The following RGS3 variants were observed in gnomAD, a reference collection of about 807,000 sequenced individuals.
RGS3 encodes the protein regulator of G-protein signalling 3.
A neutral mutation model predicts 132.6 loss-of-function variants in RGS3; 80 were observed. That is an observed-to-expected ratio of 0.60 (90% CI 0.50 to 0.73). The LOEUF is 0.73. Among genes scored for constraint, RGS3 ranks in the 30% least tolerant of loss-of-function variants. The pLI, the probability that RGS3 is intolerant of heterozygous loss-of-function variation, is 0.00. For missense variants in RGS3, 1,382 were observed against 1,530.8 expected, an observed-to-expected ratio of 0.90 and a Z score of 1.62; for synonymous variants, 598 against 620.6, an observed-to-expected ratio of 0.96 and a Z score of 0.54.
intron 7 of RGS3, among the ~76,000 whole-genome samples, chr9:113,489,332 G>A (rs900589018): frequency 1.3e-5 from 2 of 152,180 alleles, no homozygotes; most frequent in African/African-American, 4.8e-5. Context: ...CTTGCCTAAG[G>A]TAACACAGAT....
intron 3 of RGS3, among the ~76,000 whole-genome samples, chr9:113,473,788 A>T (rs1829908544): frequency 6.6e-6 from 1 of 152,214 alleles, no homozygotes; most frequent in Admixed American, 6.5e-5. Context: ...AAGAAATAAA[A>T]AGCTTATAGT....
chr9:113,497,553 C>G, intron 9 of RGS3, 149 bp downstream of exon 7: 2 of 656,610 alleles, frequency 3.0e-6, no homozygotes, highest in South Asian at 3.7e-5. Flanking sequence ...GGAGCACTTG[C>G]TAGAGTGCAG....
chr9:113,468,013 A>G (rs1829706331), intron 3 of RGS3, among the ~76,000 whole-genome samples: 1 of 152,228 alleles, frequency 6.6e-6, no homozygotes, highest in African/African-American at 2.4e-5. Context: ...GGCATGAACC[A>G]CTGTGTCCAG....
At chr9:113,562,122 A>G (rs986639294) in intron 19 of RGS3, among the ~76,000 whole-genome samples, 1 of 152,220 alleles carries the variant, frequency 6.6e-6, no homozygotes, top group African/African-American at 2.4e-5. Context: ...TGAACTTACT[A>G]GAGTGTGACC....
At position 113,507,264 on chromosome 9, in the gene RGS3, C is replaced by T; in HGVS notation, c.1086-23C>T. The T allele has an allele frequency of 6.3e-7, 1 of 1,576,628 alleles. No homozygotes were observed. The highest frequency in any genetic ancestry group is 8.6e-7 in the Non-Finnish European group (1 of 1,157,696). On this transcript the variant is annotated intron_variant, in intron 12 of 24. Transcript: ENST00000350696. The surrounding 1 kb of genome is among the most constrained non-coding windows in gnomAD (Gnocchi z 5.0). ...CTGGCTTTCCCCAGGCTCAACCTGT[C>T]TGTGTGATCCCCCACCTTCCAGGAG...
chr9:113,485,933 C>T (rs964174801), intron 7 of RGS3, among the ~76,000 whole-genome samples: 11 of 152,174 alleles, frequency 7.2e-5, no homozygotes, highest in Non-Finnish European at 1.5e-4. Flanking sequence ...GTGCTGGTCA[C>T]TGGGGAAGCC....
chr9:113,475,819 G>A (rs906461364), intron 3 of RGS3, among the ~76,000 whole-genome samples: 1 of 152,110 alleles, frequency 6.6e-6, no homozygotes, highest in Non-Finnish European at 1.5e-5. Context: ...AAATTAGCTG[G>A]TGCTTCGGTG....
chr9:113,532,460 C>G (rs1156499764), intron 18 of RGS3, among the ~76,000 whole-genome samples: 1 of 152,166 alleles, frequency 6.6e-6, no homozygotes, highest in Non-Finnish European at 1.5e-5. Flanking sequence ...GCCTTGGAAG[C>G]CTTCTGGGTC....
chr9:113,564,890 A>G (rs1479771302), intron 19 of RGS3: 10 of 987,874 alleles, frequency 1.0e-5, no homozygotes, highest in Non-Finnish European at 1.2e-5. Context: ...TCCCACTGGG[A>G]CAGGAACAGC....
chr9:113,554,192 C>G (rs1461468087), intron 19 of RGS3, among the ~76,000 whole-genome samples: 1 of 152,232 alleles, frequency 6.6e-6, no homozygotes, highest in Non-Finnish European at 1.5e-5. Flanking sequence ...GCCTGCTTCC[C>G]TACACCCTGC....
Position 113,594,423 on chromosome 9 carries a change from TC to T in RGS3, c.3081-3del. On this transcript the variant is annotated splice_polypyrimidine_tract_variant and splice_region_variant and intron_variant, in intron 21 of 24. Coordinates refer to ENST00000350696, the Ensembl canonical transcript of RGS3. ...TGAGCAACCCTCTTTTCTGCTTCTG[TC>T]CCCAGAGCCAAGGACATGAAGAACA... 3 of 1,613,236 alleles carry T rather than the reference TC, an allele frequency of 1.9e-6. No individual in the cohort carries two copies. The South Asian group carries it at 3.3e-5, about 18-fold the overall frequency.
At chr9:113,562,369 A>C (rs1156503549) in intron 19 of RGS3, among the ~76,000 whole-genome samples, 1 of 150,528 alleles carries the variant, frequency 6.6e-6, no homozygotes. Flanking sequence ...CCCAGCTACT[A>C]GGGAGGCTGT....
At chr9:113,467,008 T>C (rs1254484406) in intron 3 of RGS3, among the ~76,000 whole-genome samples, 1 of 152,218 alleles carries the variant, frequency 6.6e-6, no homozygotes, top group African/African-American at 2.4e-5. Context: ...TCACTTAGCA[T>C]AATGTTTTCA....
At chr9:113,470,845 G>C (rs2119185673) in intron 3 of RGS3, among the ~76,000 whole-genome samples, 1 of 152,222 alleles carries the variant, frequency 6.6e-6, no homozygotes, top group African/African-American at 2.4e-5. Flanking sequence ...TGCACCTGTG[G>C]TCCTAGCTAC....
chr9:113,553,825 A>G (rs952681417), intron 19 of RGS3, among the ~76,000 whole-genome samples: 7 of 152,084 alleles, frequency 4.6e-5, no homozygotes. Flanking sequence ...CCTGGGCGAC[A>G]AGAGAGAAAC....
intron 4 of RGS3, among the ~76,000 whole-genome samples, chr9:113,480,742 T>A (rs1830134361): frequency 6.6e-6 from 1 of 152,228 alleles, no homozygotes; most frequent in East Asian, 1.9e-4. Flanking sequence ...CAGGATGCAT[T>A]TGAAGAGCTG....
At chr9:113,452,055 A>G (rs1324982579) in intron 1 of RGS3, among the ~76,000 whole-genome samples, 2 of 152,182 alleles carry the variant, frequency 1.3e-5, no homozygotes, top group Middle Eastern at 6.8e-3. Context: ...CTGGAGTCCA[A>G]TAGTGTGATC....
chr9:113,546,366 T>C (rs1490911866), intron 19 of RGS3, among the ~76,000 whole-genome samples: 1 of 152,182 alleles, frequency 6.6e-6, no homozygotes, highest in Non-Finnish European at 1.5e-5. Context: ...CTTAGCACAA[T>C]TCATCCTTAG....
At chr9:113,541,482 C>G (rs1832901702) in intron 19 of RGS3, 1 of 1,595,248 alleles carries the variant, frequency 6.3e-7, no homozygotes, top group Non-Finnish European at 8.5e-7. Context: ...CTTGGGCATC[C>G]CCTACCACAC....
Sources: allele counts gnomAD v4.1 joint callset (sites outside exome capture counted in the v4.1 genomes callset), GRCh38; gene constraint gnomAD v4.1.1; non-coding constraint Gnocchi (gnomAD v3.1); transcripts MANE v1.5; gene names NCBI Gene and HGNC (gene_info 2026-07-23, HGNC 2026-07-21).